The following GATAD2B variants were observed in gnomAD, a reference collection of about 807,000 sequenced individuals.
The protein encoded by GATAD2B is GATA zinc finger domain containing 2B.
In GATAD2B, 8 loss-of-function variants were observed where a neutral mutation model predicts 64.3. That is an observed-to-expected ratio of 0.12 (90% CI 0.07 to 0.22). The LOEUF (loss-of-function observed/expected upper bound fraction) is 0.22. Among genes scored for constraint, GATAD2B ranks in the 10% least tolerant of loss-of-function variants. GATAD2B has a pLI of 1.00. For missense variants in GATAD2B, 453 were observed against 752.0 expected, an observed-to-expected ratio of 0.60 and a Z score of 4.65; for synonymous variants, 281 against 271.3, an observed-to-expected ratio of 1.04 and a Z score of -0.35.
chr1:153,894,561 G>C (rs944450547), intron 1 of GATAD2B, among the ~76,000 whole-genome samples: 13 of 151,400 alleles, frequency 8.6e-5, no homozygotes, highest in Non-Finnish European at 1.8e-4. Flanking sequence ...TTATACCTCA[G>C]TTAAAAAAAA....
intron 1 of GATAD2B, among the ~76,000 whole-genome samples, chr1:153,888,070 CAGTG>C (rs1294800019): frequency 6.7e-6 from 1 of 148,926 alleles, no homozygotes; most frequent in Non-Finnish European, 1.5e-5. Flanking sequence ...CTGGGCAACA[CAGTG>C]AGGCTCTATC....
At chr1:153,860,113 C>G (rs1676231607) in intron 1 of GATAD2B, among the ~76,000 whole-genome samples, 1 of 151,808 alleles carries the variant, frequency 6.6e-6, no homozygotes, top group Admixed American at 6.6e-5. Flanking sequence ...CAAGGTTCCA[C>G]CATGTTGGCC....
intron 1 of GATAD2B, among the ~76,000 whole-genome samples, chr1:153,880,821 G>A (rs535838798): frequency 1.2e-4 from 18 of 152,004 alleles, no homozygotes; most frequent in Non-Finnish European, 2.5e-4. Flanking sequence ...TCCAGCTTGG[G>A]TGACAGAGAC....
At chr1:153,922,591 C>A (rs1258245842) in intron 1 of GATAD2B, 142 bp downstream of exon 1, 5 of 149,914 alleles carry the variant, frequency 3.3e-5, no homozygotes, top group African/African-American at 1.2e-4. Flanking sequence ...GGCTCGCGGG[C>A]GCTTCCCCTC....
At chr1:153,921,787 A>G (rs1309459582) in intron 1 of GATAD2B, 1 of 152,220 alleles carries the variant, frequency 6.6e-6, no homozygotes, top group Non-Finnish European at 1.5e-5. Flanking sequence ...ATGAGCTAAC[A>G]TCTTGTGTTT....
chr1:153,819,591 T>C lies in GATAD2B; in HGVS notation c.465+15A>G, dbSNP rs1221795676. 1 of 1,562,130 alleles carries C rather than the reference T, an allele frequency of 6.4e-7. No homozygotes were observed. Among genetic ancestry groups the C allele is most frequent in the East Asian group, 2.3e-5 (1 of 43,900 alleles). Reference sequence around the variant, plus strand: ...GGAGCATAACAAGAAGAAAGAAATTTTTCTTTCTTTTTACCTTAAACATCT... The same window carrying C: ...GGAGCATAACAAGAAGAAAGAAATTCTTCTTTCTTTTTACCTTAAACATCT... On this transcript the variant is annotated intron_variant, in intron 3 of 10. Transcript: ENST00000368655.
intron 1 of GATAD2B, among the ~76,000 whole-genome samples, chr1:153,828,927 C>G (rs1307609376): frequency 1.3e-5 from 2 of 152,198 alleles, no homozygotes; most frequent in South Asian, 4.1e-4. Context: ...AAATGTAGGC[C>G]GGACATGGTG....
At chr1:153,818,000 A>T (rs1557782379) in intron 5 of GATAD2B, 40 bp downstream of exon 5, 2 of 1,535,246 alleles carry the variant, frequency 1.3e-6, no homozygotes, top group Middle Eastern at 1.8e-4. Context: ...AGGATTAGAC[A>T]CGGCCCTCCA....
chr1:153,819,044 T>C (rs759213753), intron 3 of GATAD2B, 122 bp from the exon 4 acceptor site: 60 of 960,440 alleles, frequency 6.2e-5, no homozygotes, highest in South Asian at 2.2e-4. Flanking sequence ...GAAGTGGCAA[T>C]AGGATTATCT....
At chr1:153,919,614 T>C (rs905967442) in intron 1 of GATAD2B, among the ~76,000 whole-genome samples, 3 of 152,176 alleles carry the variant, frequency 2.0e-5, no homozygotes, top group African/African-American at 7.2e-5. Flanking sequence ...TAATAGAAGA[T>C]ACACCACAAA....
At chr1:153,887,969 C>G (rs953593756) in intron 1 of GATAD2B, among the ~76,000 whole-genome samples, 1 of 152,070 alleles carries the variant, frequency 6.6e-6, no homozygotes, top group Non-Finnish European at 1.5e-5. Flanking sequence ...CACCTGTAAT[C>G]CCAGCTAATC....
At chr1:153,832,571 G>T (rs1675115779) in intron 1 of GATAD2B, among the ~76,000 whole-genome samples, 1 of 152,176 alleles carries the variant, frequency 6.6e-6, no homozygotes, top group Admixed American at 6.5e-5. Flanking sequence ...AGAAGCTAAC[G>T]CAAGTTATCC....
intron 1 of GATAD2B, among the ~76,000 whole-genome samples, chr1:153,856,121 C>CT (rs1469121128): frequency 6.6e-6 from 1 of 152,230 alleles, no homozygotes; most frequent in Non-Finnish European, 1.5e-5. Flanking sequence ...ACTGCCAACT[C>CT]TTTGACACTC....
intron 1 of GATAD2B, among the ~76,000 whole-genome samples, chr1:153,883,705 T>A (rs1248392269): frequency 6.6e-6 from 1 of 152,016 alleles, no homozygotes; most frequent in African/African-American, 2.4e-5. Context: ...CACTGGTCTT[T>A]TTTTTTTTTC....
intron 1 of GATAD2B, among the ~76,000 whole-genome samples, chr1:153,860,318 T>C (rs1676237951): frequency 6.6e-6 from 1 of 152,172 alleles, no homozygotes; most frequent in Admixed American, 6.6e-5. Flanking sequence ...ATGAATGGTA[T>C]GTAGTTAAAC....
chr1:153,878,044 TAGTTTACTTATAAAGGGACTTAGAAA>T (rs1676889028), intron 1 of GATAD2B, among the ~76,000 whole-genome samples: 1 of 152,098 alleles, frequency 6.6e-6, no homozygotes, highest in African/African-American at 2.4e-5. Flanking sequence ...TAATACTCCT[TAGTTTACTTATAAAGGGACTTAGAAA>T]AGTAGGCTCC....
rs1674066631 is a variant in GATAD2B at position 153,804,967 on chromosome 1, AAAAG to A, written c.*5206_*5209del. 1 of 152,226 alleles carries A rather than the reference AAAAG, an allele frequency of 6.6e-6. No homozygotes were observed. Among genetic ancestry groups the A allele is most frequent in the Non-Finnish European group, 1.5e-5 (1 of 68,038 alleles). The allele number at this position is 152,226 out of a possible 1,614,324, so 9.4% of individuals were successfully genotyped here. ...AATGCAGAAAATCAGAATGAGTTAA[AAAAG>A]AAATAAAGGAAACTTAAAGAGAGTT... is the stretch of plus-strand genomic sequence containing the variant. On this transcript the variant is annotated 3_prime_UTR_variant, in exon 11 of 11. Transcript: ENST00000368655.
intron 3 of GATAD2B, 49 bp downstream of exon 3, chr1:153,819,552 TAAATA>T (rs1423072540): frequency 1.6e-6 from 2 of 1,231,682 alleles, no homozygotes; most frequent in African/African-American, 3.1e-5. Flanking sequence ...CTTGAGGAAT[TAAATA>T]AAATAGAAGG....
At chr1:153,902,775 A>G (rs1677818835) in intron 1 of GATAD2B, among the ~76,000 whole-genome samples, 1 of 152,162 alleles carries the variant, frequency 6.6e-6, no homozygotes, top group South Asian at 2.1e-4. Context: ...TAATACATGT[A>G]GTCTTTAGTC....
Sources: allele counts gnomAD v4.1 joint callset (sites outside exome capture counted in the v4.1 genomes callset), GRCh38; gene constraint gnomAD v4.1.1; transcripts MANE v1.5; gene names NCBI Gene and HGNC (gene_info 2026-07-23, HGNC 2026-07-21).